FHAD1: variants seen among roughly 807,000 people sequenced by gnomAD.
FHAD1 encodes the protein forkhead associated phosphopeptide binding domain 1.
FHAD1 carries 146 observed loss-of-function variants against 191.3 expected under a neutral mutation model. The ratio of observed to expected loss-of-function variants is 0.76; its 90% CI spans 0.67 to 0.88. The LOEUF (loss-of-function observed/expected upper bound fraction) is 0.88. Ranked by LOEUF, FHAD1 falls within the 40% of genes least tolerant of loss-of-function variation. The pLI is 0.00. For missense variants in FHAD1, 1,635 were observed against 1,785.8 expected (o/e 0.92, Z 1.52); for synonymous variants, 616 against 672.3 (o/e 0.92, Z 1.29).
intron 14 of FHAD1, among the ~76,000 whole-genome samples, chr1:15,336,311 T>A (rs1343686017): frequency 6.6e-6 from 1 of 152,050 alleles, no homozygotes; most frequent in East Asian, 1.9e-4. Context: ...CTGCTATTAT[T>A]ATAATATTGC....
intron 2 of FHAD1, among the ~76,000 whole-genome samples, chr1:15,252,358 T>A (rs1383306763): frequency 2.0e-5 from 3 of 152,230 alleles, no homozygotes. Flanking sequence ...TTTAACTGCA[T>A]GCAGATTAAG....
At chr1:15,296,234 A>G (rs867275603) in intron 4 of FHAD1, among the ~76,000 whole-genome samples, 1 of 151,246 alleles carries the variant, frequency 6.6e-6, no homozygotes, top group African/African-American at 2.4e-5. Context: ...TTCAGTGAAC[A>G]CACACACCAC....
intron 4 of FHAD1, among the ~76,000 whole-genome samples, chr1:15,293,108 T>C (rs1435623136): frequency 1.3e-5 from 2 of 152,202 alleles, no homozygotes; most frequent in Non-Finnish European, 2.9e-5. Flanking sequence ...TCTTGGAGAC[T>C]GGCTGCCACT....
At chr1:15,352,385 A>C (rs145538053) in intron 19 of FHAD1, among the ~76,000 whole-genome samples, 194 of 152,210 alleles carry the variant, frequency 1.3e-3, no homozygotes, top group African/African-American at 4.5e-3. Flanking sequence ...CTAGACAGGA[A>C]TTTTGAAAAC....
intron 6 of FHAD1, 73 bp from the exon 7 acceptor site, chr1:15,308,540 G>A (rs1671259265): frequency 2.6e-6 from 4 of 1,520,726 alleles, no homozygotes; most frequent in Non-Finnish European, 3.5e-6. Context: ...TTTCTGTCAA[G>A]CTTGTGAGAA....
chr1:15,239,985 G>A lies in FHAD1; in HGVS notation c.-15+3224G>A, dbSNP rs912020508. Among the ~76,000 whole-genome samples the A allele has an allele frequency of 4.6e-5, 7 of 152,178 alleles. No individual in the cohort carries two copies. In the East Asian group the frequency reaches 7.7e-4, roughly 17 times the overall value. On this transcript the variant is annotated intron_variant, in intron 1 of 33. Coordinates refer to the FHAD1 transcript ENST00000683790. ...CATACCAACGGACATACACAGTGGCGCCCAATTACCTCTGGTGTTCACACC... is the reference window on the plus strand; with the variant it reads ...CATACCAACGGACATACACAGTGGCACCCAATTACCTCTGGTGTTCACACC...
chr1:15,328,574 T>C, intron 13 of FHAD1, 145 bp downstream of exon 13: 1 of 706,088 alleles, frequency 1.4e-6, no homozygotes, highest in Non-Finnish European at 2.1e-6. Context: ...TGGAGAAACT[T>C]GTTGGAGAAG....
chr1:15,339,910 C>T (rs1685832114), intron 15 of FHAD1, among the ~76,000 whole-genome samples: 1 of 152,158 alleles, frequency 6.6e-6, no homozygotes, highest in South Asian at 2.1e-4. Context: ...ATTGCAACCT[C>T]TGCCTCCCGG....
chr1:15,354,772 C>T (rs1255848657), intron 20 of FHAD1, among the ~76,000 whole-genome samples: 2 of 152,136 alleles, frequency 1.3e-5, no homozygotes, highest in African/African-American at 4.8e-5. Context: ...GTACAATTTA[C>T]TAGACAAAAA....
chr1:15,289,431 A>G lies in FHAD1; in HGVS notation c.333A>G (p.Pro111=). Residue 111 remains proline, a synonymous_variant, in exon 4 of 34, where the codon CCA becomes CCG. Coordinates refer to ENST00000688493, the MANE Select transcript of FHAD1 (RefSeq NM_001391957.1). The surrounding 1 kb of genome is among the most constrained non-coding windows in gnomAD (Gnocchi z 4.2). The part of the protein sequence containing the change: ...VSFPWMRGPA[P]WPGPQPPRAT... Reference sequence around the variant, plus strand: ...TCCCATGGATGAGGGGCCCAGCACCATGGCCAGGGCCACAGCCACCTCGTG... The same window carrying G: ...TCCCATGGATGAGGGGCCCAGCACCGTGGCCAGGGCCACAGCCACCTCGTG... 1.9e-6 allele frequency: 3 copies of G among 1,551,758 alleles called. No homozygotes were observed. The highest frequency in any genetic ancestry group is 2.4e-5 in the South Asian group (2 of 84,060).
chr1:15,240,642 A>G (rs1645239416), intron 1 of FHAD1, among the ~76,000 whole-genome samples: 2 of 150,442 alleles, frequency 1.3e-5, no homozygotes, highest in Non-Finnish European at 3.0e-5. Flanking sequence ...AAAAAAAAAA[A>G]AAAAAGAAAG....
intron 3 of FHAD1, among the ~76,000 whole-genome samples, chr1:15,284,410 C>T (rs912311407): frequency 2.0e-5 from 3 of 146,526 alleles, no homozygotes; most frequent in Non-Finnish European, 4.4e-5. Context: ...ACCCGTGAGG[C>T]GGAGCTTGCA....
At chr1:15,359,995 T>C (rs565076107) in intron 21 of FHAD1, among the ~76,000 whole-genome samples, 587 of 149,920 alleles carry the variant, frequency 3.9e-3, no homozygotes, top group Middle Eastern at 0.01. Flanking sequence ...CACCTGTAGT[T>C]CCAGCTACTC....
At chr1:15,319,022 G>A (rs1231073975) in intron 10 of FHAD1, among the ~76,000 whole-genome samples, 1 of 151,974 alleles carries the variant, frequency 6.6e-6, no homozygotes, top group Non-Finnish European at 1.5e-5. Context: ...TAAAGACAGA[G>A]CTTCACTATG....
intron 14 of FHAD1, among the ~76,000 whole-genome samples, chr1:15,330,369 T>G (rs1195133919): frequency 1.3e-5 from 2 of 152,206 alleles, no homozygotes; most frequent in Non-Finnish European, 2.9e-5. Context: ...CCACATGTTG[T>G]GCAGGGCAGA....
rs1237455852 is a variant in FHAD1 at position 15,289,384 on chromosome 1, T to C, written c.301-15T>C. 1 of 1,550,216 alleles carries C rather than the reference T, an allele frequency of 6.5e-7. No homozygotes were observed. Among genetic ancestry groups the C allele is most frequent in the East Asian group, 2.4e-5 (1 of 40,896 alleles). On this transcript the variant is annotated splice_polypyrimidine_tract_variant and intron_variant, in intron 3 of 33. Coordinates refer to ENST00000688493, the MANE Select transcript of FHAD1 (RefSeq NM_001391957.1). This position sits in a 1 kb window ranked among gnomAD's most constrained non-coding sequence, Gnocchi z 4.2. The stretch of plus-strand genomic sequence containing the variant: ...GCCGGTCATAACCTCCCCTGACCCT[T>C]GTCTGCCCCTGCAGGTCTCTTTCCC...
chr1:15,342,002 C>A, intron 16 of FHAD1, 114 bp downstream of exon 16: 1 of 840,308 alleles, frequency 1.2e-6, no homozygotes, highest in Non-Finnish European at 1.7e-6. Context: ...CTGTTTGGTG[C>A]CATGAAACTA....
chr1:15,297,002 T>C (rs1413349778), intron 5 of FHAD1, among the ~76,000 whole-genome samples: 1 of 152,382 alleles, frequency 6.6e-6, no homozygotes, highest in East Asian at 1.9e-4. Flanking sequence ...TGAGCTGGAC[T>C]GTGTCCTGTG....
chr1:15,298,153 A>G (rs1221242423), intron 5 of FHAD1, among the ~76,000 whole-genome samples: 1 of 152,238 alleles, frequency 6.6e-6, no homozygotes, highest in African/African-American at 2.4e-5. Flanking sequence ...CAACGAGTGG[A>G]TAAAGAAACT....
Sources: allele counts gnomAD v4.1 joint callset (sites outside exome capture counted in the v4.1 genomes callset), GRCh38; gene constraint gnomAD v4.1.1; non-coding constraint Gnocchi (gnomAD v3.1); transcripts MANE v1.5; gene names NCBI Gene and HGNC (gene_info 2026-07-23, HGNC 2026-07-21).